The following FSTL1 variants were observed in gnomAD, a reference collection of about 807,000 sequenced individuals.
FSTL1 encodes follistatin like 1.
FSTL1 carries 24 observed loss-of-function variants against 45.9 expected under a neutral mutation model. The observed-to-expected ratio is 0.52, with a 90% CI of 0.38 to 0.74. The LOEUF is 0.74. Among genes scored for constraint, FSTL1 ranks in the 30% least tolerant of loss-of-function variants. The pLI is 0.00. For missense variants in FSTL1, 340 were observed against 381.8 expected (o/e 0.89, Z 0.91); for synonymous variants, 120 against 137.6 (o/e 0.87, Z 0.89).
At chr3:120,430,884 T>C (rs1418098977) in intron 2 of FSTL1, among the ~76,000 whole-genome samples, 1 of 152,240 alleles carries the variant, frequency 6.6e-6, no homozygotes, top group Admixed American at 6.5e-5. Flanking sequence ...CAAGACAATG[T>C]GTGGCTATGG....
rs1047257100 is a variant in FSTL1, at chr3:120,394,695, G to C, written c.*2257C>G. 1 of 152,204 alleles carries C rather than the reference G, an allele frequency of 6.6e-6. No homozygotes were observed. Among genetic ancestry groups the C allele is most frequent in the African/African-American group, 2.4e-5 (1 of 41,442 alleles). 9.4% of individuals were successfully genotyped at this position (152,204 alleles called of 1,614,324 possible). On this transcript the variant is annotated 3_prime_UTR_variant, in exon 11 of 11. Transcript: ENST00000295633. ...AACCAAACCTAGTTTAATCCTGTTT[G>C]TTTGCTCCATGCAAAACTTTATGGA...
At position 120,400,117 on chromosome 3, in the gene FSTL1, C is replaced by G. The variant is rs139129440; in HGVS notation, c.806-158G>C. On this transcript the variant is annotated intron_variant, in intron 9 of 10. Coordinates refer to ENST00000295633, the MANE Select transcript of FSTL1 (RefSeq NM_007085.5). ...TCTGAGTATGAAGGCATGAAGGGGCCCTGTGTAATTGATACCTCCAAGGTA... is the reference window on the plus strand; with the variant it reads ...TCTGAGTATGAAGGCATGAAGGGGCGCTGTGTAATTGATACCTCCAAGGTA... 2.0e-3 allele frequency: 1,269 copies of G among 635,288 alleles called. 11 individuals carry two copies. The African/African-American group carries it at 0.02, about 10-fold the overall frequency. 39.4% of individuals were successfully genotyped at this position (635,288 alleles called of 1,614,324 possible). A position where few individuals can be genotyped will look rare whatever the true frequency, so the allele number is the denominator to read the frequency against.
rs1410382764 is a variant in FSTL1 at position 120,392,451 on chromosome 3, G to T, written c.*4501C>A. 4 of 152,134 alleles carry T rather than the reference G, an allele frequency of 2.6e-5. No homozygotes were observed. The highest frequency in any genetic ancestry group is 5.9e-5 in the Non-Finnish European group (4 of 68,012). The allele number at this position is 152,134 out of a possible 1,614,324, so 9.4% of individuals were successfully genotyped here. A position where few individuals can be genotyped will look rare whatever the true frequency, so the allele number is the denominator to read the frequency against. On this transcript the variant is annotated 3_prime_UTR_variant, in exon 11 of 11. Transcript: ENST00000295633. ...GATATGCTCAGTTTATGTACTTTTGGCAGTCATGCATACTGGTGCAACTTC... is the reference window on the plus strand; with the variant it reads ...GATATGCTCAGTTTATGTACTTTTGTCAGTCATGCATACTGGTGCAACTTC...
intron 2 of FSTL1, among the ~76,000 whole-genome samples, chr3:120,449,974 A>C (rs991892637): frequency 6.6e-6 from 1 of 152,086 alleles, no homozygotes; most frequent in Non-Finnish European, 1.5e-5. Context: ...CTGAGCAAAG[A>C]GTTTGTTGGT....
intron 4 of FSTL1, 92 bp from the exon 5 acceptor site, chr3:120,411,076 G>C: frequency 1.2e-6 from 1 of 838,320 alleles, no homozygotes; most frequent in Non-Finnish European, 1.9e-6. Flanking sequence ...TCTACATGTA[G>C]GGGAATGTTT....
chr3:120,400,626 A>C (rs542404954), intron 9 of FSTL1, among the ~76,000 whole-genome samples: 13 of 152,326 alleles, frequency 8.5e-5, no homozygotes, highest in Non-Finnish European at 1.9e-4. Flanking sequence ...CTTCTAGGAC[A>C]TATCTTCCAA....
At position 120,412,806 on chromosome 3, in the gene FSTL1, A is replaced by G. The variant is rs186278653; in HGVS notation, c.169-823T>C. On this transcript the variant is annotated intron_variant, in intron 3 of 10. Transcript: ENST00000295633. ...GAGAGGCTGATAGGCAGGCAGGCAA[A>G]CACACACACATGTGCGCGCGCGCGC... is the stretch of plus-strand genomic sequence containing the variant. Among the ~76,000 whole-genome samples, 3 of 135,584 alleles carry G rather than the reference A, an allele frequency of 2.2e-5. No individual in the cohort carries two copies. In the Admixed American group the frequency reaches 2.4e-4, roughly 11 times the overall value. The allele number at this position is 135,584 out of a possible 152,430, so 88.9% of individuals were successfully genotyped here.
At chr3:120,440,936 TG>T (rs1298192484) in intron 2 of FSTL1, among the ~76,000 whole-genome samples, 1 of 151,970 alleles carries the variant, frequency 6.6e-6, no homozygotes, top group Non-Finnish European at 1.5e-5. Context: ...CAGGAAGGGG[TG>T]GGCATGTGAG....
intron 2 of FSTL1, among the ~76,000 whole-genome samples, chr3:120,439,626 A>G (rs1029807250): frequency 1.3e-5 from 2 of 152,236 alleles, no homozygotes; most frequent in Middle Eastern, 3.2e-3. Context: ...TCAGTTAGAA[A>G]AAAATGTGCT....
Position 120,400,014 on chromosome 3 carries a change from A to C in FSTL1, c.806-55T>G, listed in dbSNP as rs528267070. 4 of 1,120,834 alleles carry C rather than the reference A, an allele frequency of 3.6e-6. No individual in the cohort carries two copies. In the South Asian group the frequency reaches 3.9e-5, roughly 11 times the overall value. The allele number at this position is 1,120,834 out of a possible 1,614,324, so 69.4% of individuals were successfully genotyped here. On this transcript the variant is annotated intron_variant, in intron 9 of 10. Transcript: ENST00000295633. ...AGCAGCTGTGGTAAGCCAGTGAGGA[A>C]TCCGCCAAGATCTACCTAGAGGCTC...
At chr3:120,399,533 T>G (rs917743429) in intron 10 of FSTL1, among the ~76,000 whole-genome samples, 1 of 152,114 alleles carries the variant, frequency 6.6e-6, no homozygotes. Context: ...GAGCTCACAG[T>G]CTTTGGGTCT....
At chr3:120,408,806 T>G (rs1173622674) in intron 6 of FSTL1, among the ~76,000 whole-genome samples, 2 of 132,250 alleles carry the variant, frequency 1.5e-5, no homozygotes, top group Non-Finnish European at 3.5e-5. Context: ...ATATTCTGAG[T>G]GTGATGTACC....
intron 3 of FSTL1, among the ~76,000 whole-genome samples, chr3:120,412,817 TGTGCGCGCGCGC>T (rs796268598): frequency 0.026 from 2,309 of 87,614 alleles, 71 homozygotes; most frequent in African/African-American, 0.079. Context: ...CACACACACA[TGTGCGCGCGCGC>T]GCGCGCGCGC....
Position 120,392,412 on chromosome 3 carries a change from AAT to A in FSTL1, c.*4538_*4539del, listed in dbSNP as rs901176906. The A allele has an allele frequency of 6.6e-6, 1 of 152,218 alleles. No individual in the cohort carries two copies. Among genetic ancestry groups the A allele is most frequent in the African/African-American group, 2.4e-5 (1 of 41,454 alleles). The allele number at this position is 152,218 out of a possible 1,614,324, so 9.4% of individuals were successfully genotyped here. A position where few individuals can be genotyped will look rare whatever the true frequency, so the allele number is the denominator to read the frequency against. ...AGTTCGAAGGCACAATGTTTGCAAGAATGTAGGGAAATGGATATGCTCAGTTT... is the reference window on the plus strand; with the variant it reads ...AGTTCGAAGGCACAATGTTTGCAAGAGTAGGGAAATGGATATGCTCAGTTT... On this transcript the variant is annotated 3_prime_UTR_variant, in exon 11 of 11. Coordinates refer to ENST00000295633, the MANE Select transcript of FSTL1 (RefSeq NM_007085.5).
chr3:120,404,792 GT>G (rs1936914966), intron 7 of FSTL1, 60 bp downstream of exon 7: 4 of 894,054 alleles, frequency 4.5e-6, no homozygotes, highest in Non-Finnish European at 7.6e-6. Flanking sequence ...AAGGGTTTAA[GT>G]CCCCTCTCTC....
chr3:120,392,602 A>C lies in FSTL1; in HGVS notation c.*4350T>G, dbSNP rs1012089624. 5.3e-5 allele frequency: 8 copies of C among 152,194 alleles called. No individual in the cohort carries two copies. Among genetic ancestry groups the C allele is most frequent in the African/African-American group, 1.9e-4 (8 of 41,446 alleles). 9.4% of individuals were successfully genotyped at this position (152,194 alleles called of 1,614,324 possible). On this transcript the variant is annotated 3_prime_UTR_variant, in exon 11 of 11. Transcript: ENST00000295633. ...TACCATGTACACATATTATTTTTTC[A>C]GTAAAAAAGTTAAATCATTAGGAAA... is the stretch of plus-strand genomic sequence containing the variant.
chr3:120,392,491 C>T lies in FSTL1; in HGVS notation c.*4461G>A, dbSNP rs1231685077. The stretch of plus-strand genomic sequence containing the variant: ...GGTGCAACTTCTTTGACTTTATAGG[C>T]AATCATAGGCAAATTTATAAATGTA... On this transcript the variant is annotated 3_prime_UTR_variant, in exon 11 of 11. Coordinates refer to ENST00000295633, the MANE Select transcript of FSTL1 (RefSeq NM_007085.5). The T allele has an allele frequency of 6.6e-6, 1 of 152,154 alleles. No individual in the cohort carries two copies. The highest frequency in any genetic ancestry group is 1.9e-4 in the East Asian group (1 of 5,192). The allele number at this position is 152,154 out of a possible 1,614,324, so 9.4% of individuals were successfully genotyped here.
At chr3:120,426,525 G>A (rs1341843070) in intron 2 of FSTL1, among the ~76,000 whole-genome samples, 1 of 152,212 alleles carries the variant, frequency 6.6e-6, no homozygotes, top group Non-Finnish European at 1.5e-5. Context: ...AATTTAAGTA[G>A]TCCCTGGGTG....
intron 2 of FSTL1, among the ~76,000 whole-genome samples, chr3:120,427,519 A>G (rs888964707): frequency 6.6e-6 from 1 of 151,872 alleles, no homozygotes; most frequent in Non-Finnish European, 1.5e-5. Flanking sequence ...ACCTGTGCCA[A>G]CTCCTTTCCT....
Sources: allele counts gnomAD v4.1 joint callset (sites outside exome capture counted in the v4.1 genomes callset), GRCh38; gene constraint gnomAD v4.1.1; transcripts MANE v1.5; gene names NCBI Gene and HGNC (gene_info 2026-07-23, HGNC 2026-07-21).